AUTS2: variants seen among roughly 807,000 people sequenced by gnomAD.
AUTS2 encodes the protein autism susceptibility gene 2 protein.
In AUTS2, 17 loss-of-function variants were observed where a neutral mutation model predicts 112.4. That is an observed-to-expected ratio of 0.15 (90% CI 0.10 to 0.23). AUTS2 has a LOEUF of 0.23. Among genes scored for constraint, AUTS2 ranks in the 10% least tolerant of loss-of-function variants. The probability of loss-of-function intolerance (pLI) is 1.00; values close to 1 mark genes in which losing one functional copy is unlikely to be tolerated. For missense variants in AUTS2, 1,510 were observed against 1,701.6 expected (o/e 0.89, Z 1.98); for synonymous variants, 751 against 702.7 (o/e 1.07, Z -1.09).
At chr7:69,830,322 CA>C (rs1408149474) in intron 1 of AUTS2, among the ~76,000 whole-genome samples, 1 of 152,130 alleles carries the variant, frequency 6.6e-6, no homozygotes, top group Non-Finnish European at 1.5e-5. Flanking sequence ...ATAGGTGCAG[CA>C]AACCACCATG....
At chr7:70,191,170 T>C (rs950963507) in intron 4 of AUTS2, among the ~76,000 whole-genome samples, 2 of 139,668 alleles carry the variant, frequency 1.4e-5, no homozygotes. Flanking sequence ...TCTTTTTTTT[T>C]TTTTTTTTTT....
rs376260831 is a variant in AUTS2 at position 70,185,337 on chromosome 7, C to G, written c.660+50766C>G. 9.6e-5 allele frequency among the ~76,000 whole-genome samples: 14 copies of G among 145,864 alleles called. No homozygotes were observed. The East Asian group carries it at 2.0e-3, about 21-fold the overall frequency. Reference sequence around the variant, plus strand: ...CTCGCTAGTGGTCTTCAACCTCTGGCCTCAAGTGATCCTCCTACCTTGGCC... The same window carrying G: ...CTCGCTAGTGGTCTTCAACCTCTGGGCTCAAGTGATCCTCCTACCTTGGCC... On this transcript the variant is annotated intron_variant, in intron 4 of 18. Coordinates refer to ENST00000342771, the MANE Select transcript of AUTS2 (RefSeq NM_015570.4).
In AUTS2 at chr7:69,783,131, T is replaced by C. The variant is rs545846557; in HGVS notation, c.310-116155T>C. 3.4e-5 allele frequency among the ~76,000 whole-genome samples: 5 copies of C among 149,204 alleles called. No individual in the cohort carries two copies. In the South Asian group the frequency reaches 1.1e-3, roughly 32 times the overall value. On this transcript the variant is annotated intron_variant, in intron 1 of 18. Coordinates refer to ENST00000342771, the MANE Select transcript of AUTS2 (RefSeq NM_015570.4). The stretch of plus-strand genomic sequence containing the variant: ...TTTTTTTGGCTTCACTTATCCCACT[T>C]GACATTGCCAAACGTGCTTTGACTT...
chr7:69,893,348 A>C (rs1383171130), intron 1 of AUTS2, among the ~76,000 whole-genome samples: 1 of 152,146 alleles, frequency 6.6e-6, no homozygotes, highest in Admixed American at 6.6e-5. Context: ...CTAGTTTTCT[A>C]ATTTTTCATT....
At chr7:69,945,598 A>G (rs1235008591) in intron 2 of AUTS2, among the ~76,000 whole-genome samples, 2 of 151,872 alleles carry the variant, frequency 1.3e-5, no homozygotes, top group Non-Finnish European at 2.9e-5. Flanking sequence ...CATAGTTACC[A>G]TTTTTTGTTG....
chr7:70,635,952 C>A (rs1416792281), intron 5 of AUTS2, among the ~76,000 whole-genome samples: 1 of 152,224 alleles, frequency 6.6e-6, no homozygotes, highest in African/African-American at 2.4e-5. Flanking sequence ...GCTGTGCTGC[C>A]TCCATTCGTG....
intron 1 of AUTS2, among the ~76,000 whole-genome samples, chr7:69,889,600 A>G (rs574821624): frequency 2.6e-5 from 4 of 152,298 alleles, no homozygotes; most frequent in Admixed American, 6.5e-5. Context: ...CTTGTTGGCT[A>G]TTTGTATGTC....
At chr7:69,606,703 A>G (rs1792738164) in intron 1 of AUTS2, among the ~76,000 whole-genome samples, 1 of 152,228 alleles carries the variant, frequency 6.6e-6, no homozygotes, top group South Asian at 2.1e-4. Context: ...AGATTCAGGT[A>G]GATTTGAAAA....
At chr7:70,340,455 T>C (rs1180027872) in intron 4 of AUTS2, among the ~76,000 whole-genome samples, 1 of 152,154 alleles carries the variant, frequency 6.6e-6, no homozygotes, top group Non-Finnish European at 1.5e-5. Context: ...ATAGAGGTGC[T>C]AATGAGCAGC....
chr7:70,184,964 A>G (rs1047805258), intron 4 of AUTS2, among the ~76,000 whole-genome samples: 6 of 152,234 alleles, frequency 3.9e-5, no homozygotes, highest in Non-Finnish European at 1.5e-5. Context: ...ATGAAAATGC[A>G]CCAAATATGA....
chr7:69,689,559 C>A (rs1797223492), intron 1 of AUTS2, among the ~76,000 whole-genome samples: 1 of 150,968 alleles, frequency 6.6e-6, no homozygotes, highest in Non-Finnish European at 1.5e-5. Flanking sequence ...CCAGGCTGGT[C>A]TTGAACTCCT....
chr7:69,747,784 G>GGTGTGTAT, intron 1 of AUTS2, among the ~76,000 whole-genome samples: 1 of 144,604 alleles, frequency 6.9e-6, no homozygotes, highest in South Asian at 2.2e-4. Flanking sequence ...GAAGGAGAGG[G>GGTGTGTAT]GTGTGTGTGT....
chr7:69,981,539 G>C (rs1798294487), intron 2 of AUTS2, among the ~76,000 whole-genome samples: 1 of 151,920 alleles, frequency 6.6e-6, no homozygotes. Flanking sequence ...GTTATCTCTA[G>C]AGTGAAGACA....
At chr7:69,886,430 C>T (rs1325693666) in intron 1 of AUTS2, among the ~76,000 whole-genome samples, 1 of 152,168 alleles carries the variant, frequency 6.6e-6, no homozygotes, top group Non-Finnish European at 1.5e-5. Context: ...AGGACTGCCT[C>T]ACATATATAC....
At chr7:69,809,568 C>T (rs531437565) in intron 1 of AUTS2, among the ~76,000 whole-genome samples, 12 of 152,274 alleles carry the variant, frequency 7.9e-5, no homozygotes, top group Middle Eastern at 3.4e-3. Context: ...GACAAATACC[C>T]ATGCTCAGAA....
chr7:70,025,474 C>G (rs1584597799), intron 2 of AUTS2, among the ~76,000 whole-genome samples: 2 of 133,448 alleles, frequency 1.5e-5, no homozygotes, highest in South Asian at 4.9e-4. Flanking sequence ...TTTTTAAAGA[C>G]AAGGTCTCGC....
chr7:70,582,173 A>G (rs1802481050), intron 5 of AUTS2, among the ~76,000 whole-genome samples: 1 of 151,932 alleles, frequency 6.6e-6, no homozygotes, highest in Non-Finnish European at 1.5e-5. Context: ...ATGGAATTTT[A>G]TGAAGTTGGG....
At chr7:70,134,849 G>A (rs1331105040) in intron 4 of AUTS2, among the ~76,000 whole-genome samples, 6 of 152,154 alleles carry the variant, frequency 3.9e-5, no homozygotes, top group Non-Finnish European at 8.8e-5. Context: ...AGGGAACCCT[G>A]ATTAGCTCAT....
chr7:69,674,270 T>A (rs1406884309), intron 1 of AUTS2, among the ~76,000 whole-genome samples: 1 of 152,218 alleles, frequency 6.6e-6, no homozygotes, highest in Non-Finnish European at 1.5e-5. Context: ...GGACAAAAAT[T>A]TCTCAGGTAC....
Sources: allele counts gnomAD v4.1 joint callset (sites outside exome capture counted in the v4.1 genomes callset), GRCh38; gene constraint gnomAD v4.1.1; transcripts MANE v1.5; gene names NCBI Gene and HGNC (gene_info 2026-07-23, HGNC 2026-07-21).